PC: variants seen among roughly 807,000 people sequenced by gnomAD.
PC encodes pyruvate carboxylase, also known as pyruvate carboxylase, mitochondrial.
Under a neutral mutation model 107.8 loss-of-function variants are expected in PC, and 46 were observed. The observed-to-expected ratio is 0.43, with a 90% CI of 0.34 to 0.55. PC has a LOEUF of 0.55. Among genes scored for constraint, PC ranks in the 20% least tolerant of loss-of-function variants. PC has a pLI of 0.04. For missense variants in PC, 1,241 were observed against 1,643.1 expected (o/e 0.76, Z 4.23); for synonymous variants, 662 against 684.7 (o/e 0.97, Z 0.52).
rs1479820372 is a variant in PC, at chr11:66,858,501, G to A, written c.1369-5118C>T. The A allele has an allele frequency of 1.4e-5, 21 of 1,537,150 alleles. No individual in the cohort carries two copies. In the South Asian group the frequency reaches 1.8e-4, roughly 13 times the overall value. Reference sequence around the variant, plus strand: ...GCTGCGGCGGCTGGCGCGGCCGGACGACCTGGAAACGTGCGCCTCCCCGCC... The same window carrying A: ...GCTGCGGCGGCTGGCGCGGCCGGACAACCTGGAAACGTGCGCCTCCCCGCC... On this transcript the variant is annotated intron_variant, in intron 12 of 22. Transcript: ENST00000393960. The surrounding 1 kb of genome is among the most constrained non-coding windows in gnomAD (Gnocchi z 5.9).
At chr11:66,914,613 A>C (rs998694506) in intron 3 of PC, among the ~76,000 whole-genome samples, 3 of 152,192 alleles carry the variant, frequency 2.0e-5, no homozygotes, top group African/African-American at 7.2e-5. Flanking sequence ...GTAAAGAACA[A>C]ACACAGATAA....
At chr11:66,903,801 C>T (rs1399747109) in intron 3 of PC, among the ~76,000 whole-genome samples, 9 of 140,560 alleles carry the variant, frequency 6.4e-5, no homozygotes, top group East Asian at 2.0e-4. Flanking sequence ...TACACACACC[C>T]ACACACACCC....
Position 66,851,280 on chromosome 11 carries a change from C to A in PC, c.1983G>T (p.Lys661Asn). The A allele has an allele frequency of 6.2e-7, 1 of 1,600,332 alleles. No individual in the cohort carries two copies. Among genetic ancestry groups the A allele is most frequent in the Non-Finnish European group, 8.5e-7 (1 of 1,179,942 alleles). ...YTNYPDNVVF[K>N]FCEVAKENGM... is the part of the protein sequence containing the mutation. Reference sequence around the variant, plus strand: ...CATTCTCTTTGGCCACTTCACAGAACCTGCAAGGGTGAGAGAGCCCAGGGC... The same window carrying A: ...CATTCTCTTTGGCCACTTCACAGAAACTGCAAGGGTGAGAGAGCCCAGGGC... Residue 661 changes from lysine to asparagine, a missense_variant and splice_region_variant, in exon 17 of 23, where the codon AAG becomes AAT. Physicochemically the swap from Lys to Asn is moderately conservative, Grantham distance 94. Around this residue, in one of 2 missense-constraint regions of PC, gnomAD observed 1,143 missense variants for 1,551.9 expected, o/e 0.74. Coordinates refer to ENST00000393960, the MANE Select transcript of PC (RefSeq NM_001040716.2).
In PC at chr11:66,870,668, G is replaced by A. The variant is rs906359234; in HGVS notation, c.751+107C>T. The A allele has an allele frequency of 5.6e-6, 7 of 1,259,942 alleles. No homozygotes were observed. Among genetic ancestry groups the A allele is most frequent in the East Asian group, 4.6e-5 (2 of 43,266 alleles). 78.0% of individuals were successfully genotyped at this position (1,259,942 alleles called of 1,614,324 possible). ...TCCAGAGTCCTCTGGAAAAGCGCCC[G>A]ACAGGCCCCAGGGCTGTCCCCAAGG... On this transcript the variant is annotated intron_variant, in intron 8 of 22. Transcript: ENST00000393960. This position sits in a 1 kb window ranked among gnomAD's most constrained non-coding sequence, Gnocchi z 6.1.
chr11:66,951,220 A>T (rs1351134857), intron 3 of PC, among the ~76,000 whole-genome samples: 3 of 152,158 alleles, frequency 2.0e-5, no homozygotes, highest in Non-Finnish European at 4.4e-5. Context: ...CTCTGGAGAA[A>T]GTTGTCCCTG....
chr11:66,860,187 G>A lies in PC; in HGVS notation c.1368+3587C>T, dbSNP rs79880981. ...CAGCGCCGAGCGGCTGGAAGAGAGT[G>A]TGGTGTGATGGACGGGCAGCTTCCT... On this transcript the variant is annotated intron_variant, in intron 12 of 22. Coordinates refer to ENST00000393960, the MANE Select transcript of PC (RefSeq NM_001040716.2). 6.1e-5 allele frequency: 95 copies of A among 1,544,974 alleles called. 1 individual carries two copies. In the East Asian group the frequency reaches 2.2e-3, roughly 36 times the overall value.
At chr11:66,856,276 C>T (rs1945816278) in intron 12 of PC, among the ~76,000 whole-genome samples, 1 of 152,238 alleles carries the variant, frequency 6.6e-6, no homozygotes, top group Non-Finnish European at 1.5e-5. Context: ...CCAATGCGTG[C>T]CCCCGGCGGT....
chr11:66,909,928 G>A (rs760204912), intron 3 of PC, among the ~76,000 whole-genome samples: 14 of 152,064 alleles, frequency 9.2e-5, no homozygotes, highest in Non-Finnish European at 1.3e-4. Flanking sequence ...AGAAGGGGAC[G>A]CAGGGGCCTG....
At position 66,858,032 on chromosome 11, in the gene PC, G is replaced by A. The variant is rs771101835; in HGVS notation, c.1369-4649C>T. ...GGGCCCGCGCCTTTGGGGACCTCGA[G>A]AGCCTGCGTTCCCTCCACCTTGACG... On this transcript the variant is annotated intron_variant, in intron 12 of 22. Transcript: ENST00000393960. This position sits in a 1 kb window ranked among gnomAD's most constrained non-coding sequence, Gnocchi z 5.9. The A allele has an allele frequency of 5.0e-6, 8 of 1,611,830 alleles. No homozygotes were observed. The highest frequency in any genetic ancestry group is 6.8e-6 in the Non-Finnish European group (8 of 1,179,866).
chr11:66,936,332 G>A, intron 3 of PC, among the ~76,000 whole-genome samples: 1 of 152,032 alleles, frequency 6.6e-6, no homozygotes, highest in East Asian at 1.9e-4. Flanking sequence ...ACACACATAA[G>A]GGATATTATC....
At position 66,936,278 on chromosome 11, in the gene PC, A is replaced by AG. The variant is rs1167097801; in HGVS notation, c.-1+16151dup. On this transcript the variant is annotated intron_variant, in intron 3 of 22. Coordinates refer to ENST00000393960, the MANE Select transcript of PC (RefSeq NM_001040716.2). Reference sequence around the variant, plus strand: ...ACACAAAAAAAAGGTGGGGGGGGAGAGAAAAAAAGAAAAAAATGAAATAAA... The same window carrying AG: ...ACACAAAAAAAAGGTGGGGGGGGAGAGGAAAAAAAGAAAAAAATGAAATAAA... Among the ~76,000 whole-genome samples, 13 of 151,892 alleles carry AG rather than the reference A, an allele frequency of 8.6e-5. No homozygotes were observed. In the East Asian group the frequency reaches 2.5e-3, roughly 30 times the overall value.
At position 66,865,120 on chromosome 11, in the gene PC, G is replaced by A. The variant is rs769118430; in HGVS notation, c.1185+1067C>T. ...GGGCAGCACTCAGCCTGGGGCTGCC[G>A]CCACCTACAGACTCTTCCAGAAACA... On this transcript the variant is annotated intron_variant, in intron 11 of 22. Coordinates refer to ENST00000393960, the MANE Select transcript of PC (RefSeq NM_001040716.2). Among the ~76,000 whole-genome samples, 5 of 152,292 alleles carry A rather than the reference G, an allele frequency of 3.3e-5. No homozygotes were observed. In the East Asian group the frequency reaches 9.7e-4, roughly 29 times the overall value.
chr11:66,908,892 C>T (rs1182266147), intron 3 of PC, among the ~76,000 whole-genome samples: 3 of 152,186 alleles, frequency 2.0e-5, no homozygotes, highest in African/African-American at 7.2e-5. Flanking sequence ...CTGACCAGCA[C>T]TGGCACCTCT....
rs773784306 is a variant in PC at position 66,849,384 on chromosome 11, G to A, written c.3148-14C>T. 8.7e-6 allele frequency: 14 copies of A among 1,611,864 alleles called. No individual in the cohort carries two copies. Among genetic ancestry groups the A allele is most frequent in the African/African-American group, 1.3e-5 (1 of 74,898 alleles). On this transcript the variant is annotated splice_polypyrimidine_tract_variant and intron_variant, in intron 21 of 22. Transcript: ENST00000393960. ...CTCCAGCTCCACCTGCAGGGAGGGT[G>A]TGCAGACTCAGAGCTGGACGCCAAG...
chr11:66,898,311 T>G (rs2136034248), intron 3 of PC, among the ~76,000 whole-genome samples: 1 of 152,304 alleles, frequency 6.6e-6, no homozygotes, highest in East Asian at 1.9e-4. Flanking sequence ...TGCGCTGCCC[T>G]TCAGGGCCAG....
Position 66,866,543 on chromosome 11 carries a change from G to A in PC, c.1023-194C>T, listed in dbSNP as rs1387408576. ...CCAGCCCCTGCCCTGCTCCCGCCGG[G>A]AGCCGACTAAACTACACAGTGCCTG... On this transcript the variant is annotated intron_variant, in intron 10 of 22. Coordinates refer to ENST00000393960, the MANE Select transcript of PC (RefSeq NM_001040716.2). This position sits in a 1 kb window ranked among gnomAD's most constrained non-coding sequence, Gnocchi z 5.4. Among the ~76,000 whole-genome samples the A allele has an allele frequency of 1.3e-5, 2 of 152,150 alleles. No individual in the cohort carries two copies. The highest frequency in any genetic ancestry group is 4.8e-5 in the African/African-American group (2 of 41,440).
chr11:66,866,179 C>T lies in PC; in HGVS notation c.1185+8G>A, dbSNP rs759188417. On this transcript the variant is annotated splice_region_variant and intron_variant, in intron 11 of 22. Transcript: ENST00000393960. This position sits in a 1 kb window ranked among gnomAD's most constrained non-coding sequence, Gnocchi z 5.4. Reference sequence around the variant, plus strand: ...GCTGGCATCTCCCTCTGCTCGAGCTCCGCCCACCTCAATGCGGCCGGTGTC... The same window carrying T: ...GCTGGCATCTCCCTCTGCTCGAGCTTCGCCCACCTCAATGCGGCCGGTGTC... The T allele has an allele frequency of 1.2e-6, 2 of 1,604,696 alleles. No homozygotes were observed. The highest frequency in any genetic ancestry group is 1.7e-5 in the Admixed American group (1 of 59,916).
intron 12 of PC, among the ~76,000 whole-genome samples, chr11:66,856,460 G>C (rs1945838208): frequency 6.6e-6 from 1 of 152,048 alleles, no homozygotes; most frequent in Admixed American, 6.5e-5. Flanking sequence ...AAGCCCTCTC[G>C]GCCCCACCCC....
intron 3 of PC, among the ~76,000 whole-genome samples, chr11:66,883,522 C>G (rs920687159): frequency 5.3e-5 from 8 of 152,178 alleles, no homozygotes; most frequent in Non-Finnish European, 1.0e-4. Flanking sequence ...CCCCACCCAT[C>G]GTCCTGCTCA....
Sources: allele counts gnomAD v4.1 joint callset (sites outside exome capture counted in the v4.1 genomes callset), GRCh38; gene constraint gnomAD v4.1.1; regional missense constraint gnomAD v4.1.1; non-coding constraint Gnocchi (gnomAD v3.1); transcripts MANE v1.5; gene names NCBI Gene and HGNC (gene_info 2026-07-23, HGNC 2026-07-21).